The following MRM1 variants were observed in gnomAD, a reference collection of about 807,000 sequenced individuals.
MRM1 encodes rRNA methyltransferase 1, mitochondrial.
Under a neutral mutation model 25.0 loss-of-function variants are expected in MRM1, and 24 were observed. The ratio of observed to expected loss-of-function variants is 0.96; its 90% CI spans 0.69 to 1.35. The LOEUF (loss-of-function observed/expected upper bound fraction) is 1.35, where lower values mean the gene tolerates loss of function less well. Ranked by LOEUF, MRM1 falls within the 40% of genes most tolerant of loss-of-function variation. The pLI is 0.00. For missense variants in MRM1, 431 were observed against 464.1 expected, an observed-to-expected ratio of 0.93 and a Z score of 0.65; for synonymous variants, 188 against 199.2, an observed-to-expected ratio of 0.94 and a Z score of 0.47.
chr17:36,617,444 G>A, the MRM1 span, among the ~76,000 whole-genome samples: 1 of 149,458 alleles, frequency 6.7e-6, no homozygotes, highest in Non-Finnish European at 1.5e-5. Context: ...CCAGGCTGGA[G>A]TGCGGTGTCC....
At position 36,604,544 on chromosome 17, in the gene MRM1, C is replaced by T. The variant is rs150596578; in HGVS notation, c.636+1898C>T. 4.6e-3 allele frequency among the ~76,000 whole-genome samples: 699 copies of T among 152,246 alleles called. 4 individuals carry two copies. Among genetic ancestry groups the T allele is most frequent in the East Asian group, 0.014 (74 of 5,190 alleles). On this transcript the variant is annotated intron_variant, in intron 2 of 4. Coordinates refer to ENST00000614766, the MANE Select transcript of MRM1 (RefSeq NM_024864.5). ...GGGGTCAGCTGGGCACAATGGCTCACGCATGTAATCCCAGCACTTTGGGAG... is the reference window on the plus strand; with the variant it reads ...GGGGTCAGCTGGGCACAATGGCTCATGCATGTAATCCCAGCACTTTGGGAG...
At chr17:36,632,600 TC>T in the MRM1 span, among the ~76,000 whole-genome samples, 1 of 151,442 alleles carries the variant, frequency 6.6e-6, no homozygotes, top group African/African-American at 2.4e-5. Flanking sequence ...AATTTTGTGC[TC>T]CCCCCCACTG....
intron 2 of MRM1, among the ~76,000 whole-genome samples, chr17:36,606,475 C>G (rs1285175903): frequency 6.8e-6 from 1 of 147,344 alleles, no homozygotes; most frequent in Non-Finnish European, 1.5e-5. Flanking sequence ...AGTGCAGTGG[C>G]GCAATCTTAG....
At chr17:36,610,939 A>G (rs11654848), downstream of MRM1, among the ~76,000 whole-genome samples, 73,004 of 151,908 alleles carry the variant, frequency 0.48, 18,970 homozygotes, top group African/African-American at 0.69. Flanking sequence ...TCAGCCTCCC[A>G]AGTAGCTGGG....
chr17:36,628,474 C>T, the MRM1 span, among the ~76,000 whole-genome samples: 2 of 152,068 alleles, frequency 1.3e-5, no homozygotes, highest in Admixed American at 1.3e-4. Flanking sequence ...TAGGAAGCTC[C>T]GAGTCATGGA....
intron 2 of MRM1, among the ~76,000 whole-genome samples, chr17:36,603,625 G>A (rs996550124): frequency 5.9e-5 from 9 of 151,796 alleles, no homozygotes; most frequent in African/African-American, 1.7e-4. Context: ...TCTTGAACTC[G>A]TGACCTTAAG....
the MRM1 span, among the ~76,000 whole-genome samples, chr17:36,622,846 G>C: frequency 5.3e-5 from 8 of 152,102 alleles, no homozygotes; most frequent in Non-Finnish European, 1.2e-4. Flanking sequence ...CCTTGACAGG[G>C]ACAAAAAAAA....
Position 36,602,754 on chromosome 17 carries a change from T to G in MRM1, c.636+108T>G. On this transcript the variant is annotated intron_variant, in intron 2 of 4. Coordinates refer to ENST00000614766, the MANE Select transcript of MRM1 (RefSeq NM_024864.5). The surrounding 1 kb of genome is among the most constrained non-coding windows in gnomAD (Gnocchi z 4.1). ...AGAGAAAGGGGCATGTTGGCACCGCTTCCTTTGGCCTTCTAAATCCCTCTG... is the reference window on the plus strand; with the variant it reads ...AGAGAAAGGGGCATGTTGGCACCGCGTCCTTTGGCCTTCTAAATCCCTCTG... 1 of 1,395,208 alleles carries G rather than the reference T, an allele frequency of 7.2e-7. No individual in the cohort carries two copies. The highest frequency in any genetic ancestry group is 1.4e-5 in the African/African-American group (1 of 70,484). 86.4% of individuals were successfully genotyped at this position (1,395,208 alleles called of 1,614,324 possible).
downstream of MRM1, among the ~76,000 whole-genome samples, chr17:36,611,530 A>T (rs188067771): frequency 4.1e-4 from 63 of 152,272 alleles, no homozygotes; most frequent in African/African-American, 1.5e-3. Context: ...TATCAACTTG[A>T]CTGGGCCATG....
At chr17:36,619,724 T>A in the MRM1 span, among the ~76,000 whole-genome samples, 1 of 152,084 alleles carries the variant, frequency 6.6e-6, no homozygotes, top group Admixed American at 6.6e-5. Context: ...AGAAGTGGGA[T>A]TGCTGATCCG....
At chr17:36,621,397 G>A in the MRM1 span, among the ~76,000 whole-genome samples, 1 of 152,134 alleles carries the variant, frequency 6.6e-6, no homozygotes, top group Non-Finnish European at 1.5e-5. Flanking sequence ...TGACAGGTGG[G>A]GCTAAGTGAC....
At chr17:36,630,800 A>G in the MRM1 span, among the ~76,000 whole-genome samples, 106 of 152,252 alleles carry the variant, frequency 7.0e-4, no homozygotes, top group African/African-American at 1.8e-3. Flanking sequence ...GTTGAGGGTA[A>G]GGGCATTGGG....
chr17:36,629,709 C>T, the MRM1 span, among the ~76,000 whole-genome samples: 5 of 88,566 alleles, frequency 5.6e-5, no homozygotes, highest in Admixed American at 1.6e-4. Flanking sequence ...CAGAGGGCAG[C>T]TGGAGGGGAG....
At chr17:36,606,917 T>C (rs1320233994) in intron 2 of MRM1, among the ~76,000 whole-genome samples, 1 of 145,190 alleles carries the variant, frequency 6.9e-6, no homozygotes, top group African/African-American at 2.6e-5. Flanking sequence ...GGTTTTTTGT[T>C]TTTTTTTTTA....
chr17:36,616,559 C>T, the MRM1 span, among the ~76,000 whole-genome samples: 3 of 152,192 alleles, frequency 2.0e-5, no homozygotes, highest in Non-Finnish European at 2.9e-5. Context: ...AGCCCTGAGG[C>T]CGACACACAC....
At position 36,601,971 on chromosome 17, in the gene MRM1, G is replaced by A; in HGVS notation, c.161G>A (p.Gly54Asp). The A allele has an allele frequency of 6.2e-7, 1 of 1,612,700 alleles. No homozygotes were observed. Among genetic ancestry groups the A allele is most frequent in the Non-Finnish European group, 8.5e-7 (1 of 1,179,788 alleles). The change falls in exon 1 of 5, where the codon GGC (glycine) becomes GAC (aspartate). Residue 54 changes from glycine (G) to aspartate (D), a missense_variant. Coordinates refer to ENST00000614766, the MANE Select transcript of MRM1 (RefSeq NM_024864.5). ...VPTSRLELLF[G>D]MTPCLLALQA... ...ACCTCTCGGCTGGAGCTTCTGTTTG[G>A]CATGACCCCGTGTCTCCTGGCTCTG...
At chr17:36,611,074 C>T (rs563638495), downstream of MRM1, among the ~76,000 whole-genome samples, 1 of 152,350 alleles carries the variant, frequency 6.6e-6, no homozygotes, top group South Asian at 2.1e-4. Flanking sequence ...CTTGGCCTCC[C>T]ACAGTGCTGG....
chr17:36,622,343 G>A, the MRM1 span, among the ~76,000 whole-genome samples: 1 of 152,098 alleles, frequency 6.6e-6, no homozygotes, highest in Non-Finnish European at 1.5e-5. Context: ...AGGCCGAGGT[G>A]TGTGGATCAC....
chr17:36,613,223 A>G (rs1187864110), downstream of MRM1, among the ~76,000 whole-genome samples: 1 of 151,982 alleles, frequency 6.6e-6, no homozygotes, highest in East Asian at 1.9e-4. Flanking sequence ...GGGGTCCTGA[A>G]TTAGACAGCA....
Sources: allele counts gnomAD v4.1 joint callset (sites outside exome capture counted in the v4.1 genomes callset), GRCh38; gene constraint gnomAD v4.1.1; non-coding constraint Gnocchi (gnomAD v3.1); transcripts MANE v1.5; gene names NCBI Gene and HGNC (gene_info 2026-07-23, HGNC 2026-07-21).